MLIP: variants seen among roughly 807,000 people sequenced by gnomAD.
MLIP encodes muscular LMNA-interacting protein.
MLIP carries 79 observed loss-of-function variants against 84.8 expected under a neutral mutation model. The ratio of observed to expected loss-of-function variants is 0.93; its 90% CI spans 0.78 to 1.12. The LOEUF (loss-of-function observed/expected upper bound fraction) is 1.12, where lower values mean the gene tolerates loss of function less well. Ranked by LOEUF, MLIP falls within the 50% of genes most tolerant of loss-of-function variation. The probability of loss-of-function intolerance (pLI) is 0.00; values close to 1 mark genes in which losing one functional copy is unlikely to be tolerated. For synonymous variants in MLIP, 504 were observed against 463.0 expected, an observed-to-expected ratio of 1.09 and a Z score of -1.14; for missense variants, 1,257 against 1,160.6, an observed-to-expected ratio of 1.08 and a Z score of -1.21.
chr6:54,049,310 A>G (rs1307309712), intron 1 of MLIP, among the ~76,000 whole-genome samples: 1 of 152,202 alleles, frequency 6.6e-6, no homozygotes, highest in Non-Finnish European at 1.5e-5. Flanking sequence ...TATAAAGAAC[A>G]GAAAAGAAGA....
chr6:54,166,882 C>A (rs755650213), intron 8 of MLIP, among the ~76,000 whole-genome samples: 37 of 151,852 alleles, frequency 2.4e-4, no homozygotes, highest in Non-Finnish European at 4.6e-4. Context: ...AGATTTTCTC[C>A]CACAAAATGA....
rs1771921755 is a variant in MLIP at position 54,137,525 on chromosome 6, T to C, written c.1456T>C (p.Leu486=). ...PDQGELQVSE[L]TQQSFHLPVF... ...TCAAGGGGAACTCCAGGTTTCTGAA[T>C]TGACCCAGCAATCTTTTCACCTGCC... The change falls in exon 4 of 14, where the codon TTG becomes CTG. Residue 486 remains leucine, a synonymous_variant. Transcript: ENST00000502396. 2.6e-6 allele frequency: 4 copies of C among 1,536,146 alleles called. No homozygotes were observed. Among genetic ancestry groups the C allele is most frequent in the Non-Finnish European group, 3.5e-6 (4 of 1,146,914 alleles).
chr6:54,045,121 G>C lies in MLIP; in HGVS notation c.63+26030G>C, dbSNP rs569894199. 5.3e-5 allele frequency among the ~76,000 whole-genome samples: 8 copies of C among 152,154 alleles called. No homozygotes were observed. In the South Asian group the frequency reaches 1.7e-3, roughly 32 times the overall value. ...CCCAGCACTTAGGGAGGCCGAGGTG[G>C]GCAGTTCACTTGAGGTGAGGGGTTT... On this transcript the variant is annotated intron_variant, in intron 1 of 12. Transcript: ENST00000274897.
At chr6:54,227,525 A>T (rs1346615695) in intron 11 of MLIP, among the ~76,000 whole-genome samples, 1 of 152,236 alleles carries the variant, frequency 6.6e-6, no homozygotes, top group Non-Finnish European at 1.5e-5. Context: ...TACCCACGCC[A>T]AAGCGCATAC....
At chr6:54,139,929 A>G (rs754556762) in intron 4 of MLIP, among the ~76,000 whole-genome samples, 1 of 152,138 alleles carries the variant, frequency 6.6e-6, no homozygotes, top group African/African-American at 2.4e-5. Context: ...TAAAAAATGT[A>G]TTGGAGATTA....
At chr6:54,125,926 T>C (rs989557431) in intron 3 of MLIP, among the ~76,000 whole-genome samples, 2 of 151,990 alleles carry the variant, frequency 1.3e-5, no homozygotes, top group African/African-American at 4.8e-5. Context: ...GAGTTTCTGA[T>C]GCTGCATTTT....
intron 11 of MLIP, among the ~76,000 whole-genome samples, chr6:54,209,491 G>GA (rs911219572): frequency 6.6e-6 from 1 of 151,792 alleles, no homozygotes; most frequent in Non-Finnish European, 1.5e-5. Flanking sequence ...CAATTTTTTT[G>GA]AAAAAAGAAT....
intron 1 of MLIP, among the ~76,000 whole-genome samples, chr6:54,074,246 T>C (rs1311212413): frequency 6.6e-6 from 1 of 152,220 alleles, no homozygotes; most frequent in Non-Finnish European, 1.5e-5. Context: ...CACTTCTGAG[T>C]GCTCAGCCCT....
At chr6:54,022,292 G>A (rs534573090) in intron 1 of MLIP, among the ~76,000 whole-genome samples, 4 of 152,346 alleles carry the variant, frequency 2.6e-5, no homozygotes, top group African/African-American at 7.2e-5. Flanking sequence ...GGTTAATCCA[G>A]TGTTTCCTAA....
rs114472556 is a variant in MLIP at position 54,131,616 on chromosome 6, A to C, written c.646-5099A>C. Among the ~76,000 whole-genome samples the C allele has an allele frequency of 1.4e-3, 207 of 152,252 alleles. 1 individual carries two copies. Among genetic ancestry groups the C allele is most frequent in the African/African-American group, 4.7e-3 (195 of 41,554 alleles). ...GTCATTTTAGGGTGTGCAGACTACA[A>C]GAAATAAGAAACTCAGTGCAGTGAT... On this transcript the variant is annotated intron_variant, in intron 3 of 13. Coordinates refer to ENST00000502396, the MANE Select transcript of MLIP (RefSeq NM_001281747.2).
At chr6:54,189,983 A>C in intron 10 of MLIP, 69 bp downstream of exon 10, 1 of 1,033,870 alleles carries the variant, frequency 9.7e-7, no homozygotes, top group African/African-American at 1.6e-5. Flanking sequence ...CCTGAGTAAA[A>C]GTGAAAAAAA....
At chr6:54,115,961 A>AT (rs938792063) in intron 1 of MLIP, among the ~76,000 whole-genome samples, 25 of 152,204 alleles carry the variant, frequency 1.6e-4, no homozygotes, top group Admixed American at 1.0e-3. Context: ...GATATGTAAG[A>AT]TTTTTTTAAT....
intron 12 of MLIP, among the ~76,000 whole-genome samples, chr6:54,234,690 G>A (rs990795366): frequency 5.9e-5 from 9 of 152,074 alleles, no homozygotes; most frequent in African/African-American, 1.9e-4. Context: ...CTCTGTCAAG[G>A]GTAAACTGGT....
At chr6:54,196,141 A>T (rs1778278175) in intron 10 of MLIP, among the ~76,000 whole-genome samples, 1 of 152,146 alleles carries the variant, frequency 6.6e-6, no homozygotes, top group Non-Finnish European at 1.5e-5. Context: ...CCAATTCAAG[A>T]AAAATAATGG....
intron 3 of MLIP, among the ~76,000 whole-genome samples, chr6:54,126,942 A>T (rs941935003): frequency 3.9e-5 from 6 of 152,028 alleles, no homozygotes; most frequent in African/African-American, 1.4e-4. Flanking sequence ...CCTTTCCATG[A>T]CCTAGCCTAG....
At chr6:54,021,081 G>T (rs573214174) in intron 1 of MLIP, among the ~76,000 whole-genome samples, 1 of 152,248 alleles carries the variant, frequency 6.6e-6, no homozygotes, top group East Asian at 1.9e-4. Flanking sequence ...AGTTATTTTG[G>T]CTGTTTATGT....
intron 1 of MLIP, among the ~76,000 whole-genome samples, chr6:54,041,599 T>C (rs1764745145): frequency 6.6e-6 from 1 of 152,154 alleles, no homozygotes; most frequent in South Asian, 2.1e-4. Context: ...ATATTTTCAA[T>C]ATTTTTTATT....
intron 1 of MLIP, among the ~76,000 whole-genome samples, chr6:54,043,707 G>C (rs1764876882): frequency 6.6e-6 from 1 of 152,112 alleles, no homozygotes; most frequent in Non-Finnish European, 1.5e-5. Flanking sequence ...ATTAGTAACG[G>C]GAGTTGGCAT....
rs368508685 is a variant in MLIP at position 54,213,734 on chromosome 6, A to AAAAACAAAAAAC, written c.2718+11503_2718+11504insAACAAAAAACAA. On this transcript the variant is annotated intron_variant, in intron 11 of 13. Transcript: ENST00000502396. ...AAAAAAAAAAAAAAAAAAAAAAAAA[A>AAAAACAAAAAAC]AACAACAAACAGCATATCTTGTATG... Among the ~76,000 whole-genome samples, 110 of 82,364 alleles carry AAAAACAAAAAAC rather than the reference A, an allele frequency of 1.3e-3. 18 individuals are homozygous for AAAAACAAAAAAC. Among genetic ancestry groups the AAAAACAAAAAAC allele is most frequent in the Non-Finnish European group, 2.0e-3 (86 of 42,148 alleles). The allele number at this position is 82,364 out of a possible 152,430, so 54.0% of individuals were successfully genotyped here.
Sources: gnomAD v4.1 joint callset for allele counts (sites outside exome capture counted in the v4.1 genomes callset) on GRCh38, gnomAD v4.1.1 for gene constraint, MANE v1.5 for transcripts, NCBI Gene and HGNC (gene_info 2026-07-23, HGNC 2026-07-21) for gene names.